The following ADRA1A variants were observed in gnomAD, a reference collection of about 807,000 sequenced individuals.
The protein encoded by ADRA1A is alpha-1A adrenergic receptor.
ADRA1A carries 31 observed loss-of-function variants against 29.6 expected under a neutral mutation model. That is an observed-to-expected ratio of 1.05 (90% CI 0.79 to 1.41). The LOEUF (loss-of-function observed/expected upper bound fraction) is 1.41. Ranked by LOEUF, ADRA1A falls within the 40% of genes most tolerant of loss-of-function variation. ADRA1A has a pLI of 0.00. For synonymous variants in ADRA1A, 311 were observed against 254.3 expected, an observed-to-expected ratio of 1.22 and a Z score of -2.12; for missense variants, 619 against 601.1, an observed-to-expected ratio of 1.03 and a Z score of -0.31.
At chr8:26,758,223 T>C (rs1805305996) in intron 2 of ADRA1A, among the ~76,000 whole-genome samples, 1 of 152,172 alleles carries the variant, frequency 6.6e-6, no homozygotes, top group South Asian at 2.1e-4. Context: ...GTGCAGCAGG[T>C]AGTTTGTGAC....
In ADRA1A at chr8:26,864,463, G is replaced by C. The variant is rs746000696; in HGVS notation, c.507C>G (p.Ala169=). ...TCTGGCAGATGGTCTCGTCCTCGGG[G>C]GCCGGCTGCCTCCAGCCGAACAGGG... The part of the protein sequence containing the change: ...IGPLFGWRQP[A]PEDETICQIN... The change falls in exon 2 of 3, where the codon GCC becomes GCG. Residue 169 remains alanine, a synonymous_variant. Coordinates refer to ENST00000380573, the MANE Select transcript of ADRA1A (RefSeq NM_000680.4). This position sits in a 1 kb window ranked among gnomAD's most constrained non-coding sequence, Gnocchi z 8.1. 2 of 1,613,566 alleles carry C rather than the reference G, an allele frequency of 1.2e-6. No individual in the cohort carries two copies. The highest frequency in any genetic ancestry group is 2.2e-5 in the East Asian group (1 of 44,860).
At chr8:26,850,550 C>T (rs1812554599) in intron 2 of ADRA1A, among the ~76,000 whole-genome samples, 2 of 152,196 alleles carry the variant, frequency 1.3e-5, no homozygotes, top group Admixed American at 6.5e-5. Flanking sequence ...GGATGCAGTG[C>T]AGTGTGGAAA....
At chr8:26,818,816 T>C (rs1383121940) in intron 2 of ADRA1A, among the ~76,000 whole-genome samples, 1 of 151,598 alleles carries the variant, frequency 6.6e-6, no homozygotes, top group Admixed American at 6.6e-5. Flanking sequence ...ATAAAAAAAG[T>C]GAAGAAAGAC....
At chr8:26,759,920 G>T (rs994905872) in intron 2 of ADRA1A, among the ~76,000 whole-genome samples, 1 of 152,138 alleles carries the variant, frequency 6.6e-6, no homozygotes, top group East Asian at 1.9e-4. Context: ...TTCTAGATTG[G>T]ACTGAAGCTG....
chr8:26,816,094 C>T (rs1185137197), intron 2 of ADRA1A, among the ~76,000 whole-genome samples: 1 of 152,202 alleles, frequency 6.6e-6, no homozygotes, highest in East Asian at 1.9e-4. Flanking sequence ...GGAGTCGTCC[C>T]TCTTAGTGTA....
In ADRA1A at chr8:26,848,155, A is replaced by C. The variant is rs1286231194; in HGVS notation, c.883+15932T>G. On this transcript the variant is annotated intron_variant, in intron 2 of 2. Transcript: ENST00000380573. The surrounding 1 kb of genome is among the most constrained non-coding windows in gnomAD (Gnocchi z 4.3). Reference sequence around the variant, plus strand: ...AGCCAGGCAGCTCCTGCAAGATGTCACTAATCCCTTGCGTGCCTCAGTTTC... The same window carrying C: ...AGCCAGGCAGCTCCTGCAAGATGTCCCTAATCCCTTGCGTGCCTCAGTTTC... Among the ~76,000 whole-genome samples, 1 of 152,200 alleles carries C rather than the reference A, an allele frequency of 6.6e-6. No homozygotes were observed. Among genetic ancestry groups the C allele is most frequent in the Non-Finnish European group, 1.5e-5 (1 of 68,036 alleles).
chr8:26,760,864 T>G (rs1805471301), downstream of ADRA1A, among the ~76,000 whole-genome samples: 1 of 152,226 alleles, frequency 6.6e-6, no homozygotes, highest in Non-Finnish European at 1.5e-5. Flanking sequence ...ACTGGGATCT[T>G]ACTGTCCCTT....
rs1004643874 is a variant in ADRA1A at position 26,821,221 on chromosome 8, A to G, written c.883+42866T>C. On this transcript the variant is annotated intron_variant, in intron 2 of 2. Coordinates refer to ENST00000380573, the MANE Select transcript of ADRA1A (RefSeq NM_000680.4). The surrounding 1 kb of genome is among the most constrained non-coding windows in gnomAD (Gnocchi z 5.6). ...GGCCATTTTAGTGTTGCTATGAAGAAATACCCGAGGCTGGATGAGTTATAA... is the reference window on the plus strand; with the variant it reads ...GGCCATTTTAGTGTTGCTATGAAGAGATACCCGAGGCTGGATGAGTTATAA... Among the ~76,000 whole-genome samples, 2 of 152,270 alleles carry G rather than the reference A, an allele frequency of 1.3e-5. No homozygotes were observed. The highest frequency in any genetic ancestry group is 4.8e-5 in the African/African-American group (2 of 41,582).
intron 2 of ADRA1A, among the ~76,000 whole-genome samples, chr8:26,790,871 C>T (rs763730877): frequency 2.0e-5 from 3 of 152,126 alleles, no homozygotes; most frequent in Non-Finnish European, 4.4e-5. Context: ...AAGGTCATAG[C>T]AACCATGTTT....
intron 2 of ADRA1A, among the ~76,000 whole-genome samples, chr8:26,817,015 C>A (rs548932953): frequency 6.6e-6 from 1 of 151,850 alleles, no homozygotes; most frequent in African/African-American, 2.4e-5. Context: ...AAAGCATGAC[C>A]CATAAAAGAA....
intron 2 of ADRA1A, among the ~76,000 whole-genome samples, chr8:26,854,971 A>G (rs1212591541): frequency 1.3e-5 from 2 of 152,226 alleles, no homozygotes; most frequent in African/African-American, 2.4e-5. Flanking sequence ...GGTACCATCC[A>G]TAAAGATGAA....
At chr8:26,748,942 G>A (rs1390502268) in intron 2 of ADRA1A, among the ~76,000 whole-genome samples, 1 of 152,098 alleles carries the variant, frequency 6.6e-6, no homozygotes, top group Non-Finnish European at 1.5e-5. Context: ...CCCCTCAGCA[G>A]GTGAGTGTCA....
Position 26,815,945 on chromosome 8 carries a change from G to A in ADRA1A, c.884-45279C>T, listed in dbSNP as rs771916247. Among the ~76,000 whole-genome samples, 13 of 152,160 alleles carry A rather than the reference G, an allele frequency of 8.5e-5. No homozygotes were observed. The highest frequency in any genetic ancestry group is 1.8e-4 in the Non-Finnish European group (12 of 68,036). On this transcript the variant is annotated intron_variant, in intron 2 of 2. Coordinates refer to ENST00000380573, the MANE Select transcript of ADRA1A (RefSeq NM_000680.4). The surrounding 1 kb of genome is among the most constrained non-coding windows in gnomAD (Gnocchi z 4.2). Reference sequence around the variant, plus strand: ...GGCAGGATGAGAAGCAAGGGAGGGGGCGTGTCCAGGTGCTGCTGGTTGCTT... The same window carrying A: ...GGCAGGATGAGAAGCAAGGGAGGGGACGTGTCCAGGTGCTGCTGGTTGCTT...
chr8:26,859,030 A>G, intron 2 of ADRA1A: 2 of 1,236,618 alleles, frequency 1.6e-6, no homozygotes, highest in Non-Finnish European at 2.1e-6. Flanking sequence ...TAGCCTACTC[A>G]CCTGATTTTC....
In ADRA1A at chr8:26,866,903, G is replaced by T. The variant is rs1244539455; in HGVS notation, c.-687+33C>A. The T allele has an allele frequency of 2.0e-6, 2 of 985,292 alleles. No homozygotes were observed. Among genetic ancestry groups the T allele is most frequent in the African/African-American group, 1.7e-5 (1 of 57,232 alleles). 61.0% of individuals were successfully genotyped at this position (985,292 alleles called of 1,614,324 possible). A position where few individuals can be genotyped will look rare whatever the true frequency, so the allele number is the denominator to read the frequency against. On this transcript the variant is annotated intron_variant, in intron 1 of 2. Transcript: ENST00000380573. This position sits in a 1 kb window ranked among gnomAD's most constrained non-coding sequence, Gnocchi z 5.7. ...GGGGGAGGTCTGCCCTCACCCACTC[G>T]GCCCTGCGGGACGCCGGCCCCGGCG...
intron 2 of ADRA1A, chr8:26,854,159 G>A (rs970204634): frequency 2.0e-5 from 3 of 152,290 alleles, no homozygotes; most frequent in African/African-American, 7.2e-5. Flanking sequence ...CTGTGAGAAA[G>A]GTGGGGAAGA....
chr8:26,846,723 G>C (rs188133114), intron 2 of ADRA1A, among the ~76,000 whole-genome samples: 32 of 152,294 alleles, frequency 2.1e-4, no homozygotes, highest in Middle Eastern at 3.4e-3. Context: ...AGTGAGCCGC[G>C]ATCGCGCCAT....
At chr8:26,827,552 C>G (rs1401677583) in intron 2 of ADRA1A, among the ~76,000 whole-genome samples, 1 of 152,204 alleles carries the variant, frequency 6.6e-6, no homozygotes, top group African/African-American at 2.4e-5. Flanking sequence ...ATAGAAGGCT[C>G]CTTCTATCCG....
At chr8:26,855,217 A>ATGCATGTGTGTG (rs1554513293) in intron 2 of ADRA1A, among the ~76,000 whole-genome samples, 1 of 133,244 alleles carries the variant, frequency 7.5e-6, no homozygotes, top group Admixed American at 6.9e-5. Flanking sequence ...GTGTGCATGC[A>ATGCATGTGTGTG]TGTGTGTGTG....
Sources: allele counts gnomAD v4.1 joint callset (sites outside exome capture counted in the v4.1 genomes callset), GRCh38; gene constraint gnomAD v4.1.1; non-coding constraint Gnocchi (gnomAD v3.1); transcripts MANE v1.5; gene names NCBI Gene and HGNC (gene_info 2026-07-23, HGNC 2026-07-21).